CFTR: variants seen among roughly 807,000 people sequenced by gnomAD.
The protein encoded by CFTR is cystic fibrosis transmembrane conductance regulator.
CFTR carries 181 observed loss-of-function variants against 171.6 expected under a neutral mutation model. The ratio of observed to expected loss-of-function variants is 1.05; its 90% CI spans 0.93 to 1.19. CFTR has a LOEUF of 1.19. Among genes scored for constraint, CFTR ranks in the 50% most tolerant of loss-of-function variants. The pLI is 0.00. For missense variants in CFTR, 1,968 were observed against 1,734.7 expected, an observed-to-expected ratio of 1.13 and a Z score of -2.39; for synonymous variants, 583 against 608.0, an observed-to-expected ratio of 0.96 and a Z score of 0.60.
Position 117,611,718 on chromosome 7 carries a change from C to G in CFTR, c.3277C>G (p.Leu1093Val), listed in dbSNP as rs2116084967. Reference sequence around the variant, plus strand: ...ACATACTGCCAACTGGTTCTTGTACCTGTCAACACTGCGCTGGTTCCAAAT... The same window carrying G: ...ACATACTGCCAACTGGTTCTTGTACGTGTCAACACTGCGCTGGTTCCAAAT... ...NLHTANWFLY[L>V]STLRWFQMRI... Residue 1093 changes from leucine (L) to valine (V), a missense_variant, in exon 20 of 27, where the codon CTG becomes GTG. Transcript: ENST00000003084. The G allele has an allele frequency of 6.2e-7, 1 of 1,613,502 alleles. No homozygotes were observed. The highest frequency in any genetic ancestry group is 1.3e-5 in the African/African-American group (1 of 74,962).
intron 11 of CFTR, chr7:117,586,266 G>A (rs1202113726): frequency 6.6e-6 from 1 of 152,144 alleles, no homozygotes; most frequent in East Asian, 1.9e-4. Context: ...TGTTTTACAT[G>A]TCTCATAACC....
At chr7:117,535,496 C>A in intron 6 of CFTR, 85 bp downstream of exon 6, 10 of 1,026,206 alleles carry the variant, frequency 9.7e-6, no homozygotes, top group Admixed American at 1.8e-5. Flanking sequence ...CTGCTCTATG[C>A]ATAGAACAGT....
rs397508772 is a variant in CFTR at position 117,535,293 on chromosome 7, G to A, written c.625G>A (p.Ala209Thr). 6.2e-7 allele frequency: 1 copy of A among 1,613,674 alleles called. No individual in the cohort carries two copies. The highest frequency in any genetic ancestry group is 2.2e-5 in the East Asian group (1 of 44,838). Residue 209 changes from alanine (A) to threonine (T), a missense_variant, in exon 6 of 27, where the codon GCA becomes ACA. Coordinates refer to ENST00000003084, the MANE Select transcript of CFTR (RefSeq NM_000492.4). ...HFVWIAPLQV[A>T]LLMGLIWELL... is the part of the protein sequence containing the mutation. The stretch of plus-strand genomic sequence containing the variant: ...CGTGTGGATCGCTCCTTTGCAAGTG[G>A]CACTCCTCATGGGGCTAATCTGGGA...
At chr7:117,596,391 C>G (rs1407775010) in intron 15 of CFTR, among the ~76,000 whole-genome samples, 1 of 152,238 alleles carries the variant, frequency 6.6e-6, no homozygotes, top group Non-Finnish European at 1.5e-5. Context: ...TCCCCCCAAC[C>G]TGCCGCTGCA....
At position 117,594,991 on chromosome 7, in the gene CFTR, G is replaced by T. The variant is rs397508395; in HGVS notation, c.2552G>T (p.Arg851Leu). 3.7e-6 allele frequency: 6 copies of T among 1,612,594 alleles called. No homozygotes were observed. Among genetic ancestry groups the T allele is most frequent in the Non-Finnish European group, 4.2e-6 (5 of 1,179,176 alleles). Residue 851 changes from arginine to leucine, a missense_variant, in exon 15 of 27, where the codon CGA (arginine) becomes CTA (leucine). Transcript: ENST00000003084. ...GTGACTACATGGAACACATACCTTC[G>T]ATATATTACTGTCCACAAGAGCTTA... ...PAVTTWNTYL[R>L]YITVHKSLIF...
At chr7:117,632,684 A>G (rs1052499529) in intron 22 of CFTR, among the ~76,000 whole-genome samples, 5 of 152,182 alleles carry the variant, frequency 3.3e-5, no homozygotes, top group Non-Finnish European at 7.3e-5. Flanking sequence ...CTGAAATAAG[A>G]AGCTATGTAG....
chr7:117,554,197 G>T (rs1218273326), intron 10 of CFTR, among the ~76,000 whole-genome samples: 2 of 152,146 alleles, frequency 1.3e-5, no homozygotes, highest in African/African-American at 4.8e-5. Context: ...AGATGAGTTA[G>T]GAGTCTATTG....
intron 15 of CFTR, among the ~76,000 whole-genome samples, chr7:117,599,999 T>C (rs1325516673): frequency 2.6e-5 from 4 of 152,090 alleles, no homozygotes; most frequent in Non-Finnish European, 4.4e-5. Flanking sequence ...GTGTAAGTGA[T>C]TTGTCTATTT....
In CFTR at chr7:117,535,392, A is replaced by G; in HGVS notation, c.724A>G (p.Arg242Gly). The G allele has an allele frequency of 6.2e-7, 1 of 1,614,094 alleles. No individual in the cohort carries two copies. The highest frequency in any genetic ancestry group is 8.5e-7 in the Non-Finnish European group (1 of 1,180,020). The change falls in exon 6 of 27, where the codon AGA (arginine) becomes GGA (glycine). Residue 242 changes from arginine to glycine, a missense_variant. Transcript: ENST00000003084. ...VLALFQAGLG[R>G]MMMKYRDQRA... Reference sequence around the variant, plus strand: ...TGCCCTTTTTCAGGCTGGGCTAGGGAGAATGATGATGAAGTACAGGTAGCA... The same window carrying G: ...TGCCCTTTTTCAGGCTGGGCTAGGGGGAATGATGATGAAGTACAGGTAGCA...
At chr7:117,507,154 G>A (rs1028904516) in intron 2 of CFTR, among the ~76,000 whole-genome samples, 1 of 152,180 alleles carries the variant, frequency 6.6e-6, no homozygotes, top group Non-Finnish European at 1.5e-5. Flanking sequence ...GGCCTGGTAT[G>A]TGGTCCTACT....
chr7:117,535,664 A>C (rs1584787237), intron 6 of CFTR, among the ~76,000 whole-genome samples: 2 of 150,946 alleles, frequency 1.3e-5, no homozygotes, highest in East Asian at 3.9e-4. Flanking sequence ...CCTCCGGAGT[A>C]GCTGGGATTA....
At chr7:117,565,820 GAA>G (rs375046394) in intron 11 of CFTR, among the ~76,000 whole-genome samples, 1 of 151,958 alleles carries the variant, frequency 6.6e-6, no homozygotes, top group South Asian at 2.1e-4. Flanking sequence ...TTTACTGAAA[GAA>G]AAAAATACTT....
chr7:117,522,525 T>C (rs1307440149), intron 3 of CFTR, among the ~76,000 whole-genome samples: 10 of 152,242 alleles, frequency 6.6e-5, no homozygotes. Flanking sequence ...ATTATTGAAG[T>C]GAGCCATTAA....
intron 13 of CFTR, 55 bp from the exon 14 acceptor site, chr7:117,591,879 A>C: frequency 1.9e-6 from 2 of 1,069,500 alleles, no homozygotes; most frequent in Non-Finnish European, 2.7e-6. Context: ...AATACGAGAC[A>C]TATTGCAATA....
chr7:117,515,872 T>C (rs1349222909), intron 3 of CFTR, among the ~76,000 whole-genome samples: 1 of 152,184 alleles, frequency 6.6e-6, no homozygotes, highest in Non-Finnish European at 1.5e-5. Flanking sequence ...TTCACATCCT[T>C]TGTTAGCTGT....
At chr7:117,488,509 A>G (rs1421703203) in intron 1 of CFTR, among the ~76,000 whole-genome samples, 1 of 152,096 alleles carries the variant, frequency 6.6e-6, no homozygotes, top group Non-Finnish European at 1.5e-5. Context: ...TGACCATTTC[A>G]TTGCCTCTTT....
chr7:117,514,944 A>C (rs6951141), intron 3 of CFTR, among the ~76,000 whole-genome samples: 35,869 of 151,834 alleles, frequency 0.24, 4,512 homozygotes, highest in East Asian at 0.42. Context: ...TTTGTTGGCC[A>C]TGTAAATGTC....
chr7:117,663,594 G>A (rs568632981), intron 24 of CFTR, among the ~76,000 whole-genome samples: 3 of 150,946 alleles, frequency 2.0e-5, no homozygotes, highest in African/African-American at 7.3e-5. Flanking sequence ...AAATCTCCTG[G>A]TCGTGTGATG....
chr7:117,605,563 A>G (rs1312743942), intron 17 of CFTR, among the ~76,000 whole-genome samples: 1 of 152,190 alleles, frequency 6.6e-6, no homozygotes, highest in African/African-American at 2.4e-5. Flanking sequence ...TGTATCAAGT[A>G]TGTCCAGAGG....
Sources: allele counts gnomAD v4.1 joint callset (sites outside exome capture counted in the v4.1 genomes callset), GRCh38; gene constraint gnomAD v4.1.1; transcripts MANE v1.5; gene names NCBI Gene and HGNC (gene_info 2026-07-23, HGNC 2026-07-21).